AGBL1: variants seen among roughly 807,000 people sequenced by gnomAD.
AGBL1 encodes the protein AGBL carboxypeptidase 1.
AGBL1 carries 130 observed loss-of-function variants against 118.9 expected under a neutral mutation model. That is an observed-to-expected ratio of 1.09 (90% CI 0.95 to 1.26). The LOEUF is 1.26. Ranked by LOEUF, AGBL1 falls within the 50% of genes most tolerant of loss-of-function variation. AGBL1 has a pLI of 0.00. For synonymous variants in AGBL1, 555 were observed against 478.9 expected (o/e 1.16, Z -2.08); for missense variants, 1,584 against 1,298.1 (o/e 1.22, Z -3.38).
intron 5 of AGBL1, among the ~76,000 whole-genome samples, chr15:86,218,191 C>A (rs2078220940): frequency 6.6e-6 from 1 of 152,090 alleles, no homozygotes; most frequent in African/African-American, 2.4e-5. Flanking sequence ...GTGACAACAG[C>A]AGAGATCAAA....
intron 1 of AGBL1, among the ~76,000 whole-genome samples, chr15:86,097,532 C>G (rs1271560307): frequency 6.7e-6 from 1 of 149,344 alleles, no homozygotes; most frequent in Non-Finnish European, 1.5e-5. Context: ...TCCATGAGAT[C>G]CACTTTTTTT....
intron 18 of AGBL1, among the ~76,000 whole-genome samples, chr15:86,509,815 T>C (rs991667357): frequency 1.3e-5 from 2 of 152,056 alleles, no homozygotes; most frequent in Non-Finnish European, 2.9e-5. Context: ...TGGATAGAGA[T>C]CATGTGTTCT....
intron 21 of AGBL1, among the ~76,000 whole-genome samples, chr15:86,571,456 A>G (rs1474104983): frequency 1.3e-5 from 2 of 152,146 alleles, no homozygotes; most frequent in African/African-American, 4.8e-5. Context: ...GCTCCTCTCC[A>G]TAGTCAGGGT....
chr15:86,136,844 A>G (rs1036491185), intron 1 of AGBL1, among the ~76,000 whole-genome samples: 1 of 152,186 alleles, frequency 6.6e-6, no homozygotes, highest in African/African-American at 2.4e-5. Context: ...TCAAAACAGT[A>G]TTTGAGAAAA....
chr15:86,094,215 G>A (rs1049864997), intron 1 of AGBL1, among the ~76,000 whole-genome samples: 5 of 151,844 alleles, frequency 3.3e-5, no homozygotes, highest in African/African-American at 1.2e-4. Context: ...ATTAATTTTC[G>A]ACCAAAACTC....
chr15:86,938,069 C>CT (rs35095330), intron 23 of AGBL1, among the ~76,000 whole-genome samples: 59,607 of 151,986 alleles, frequency 0.39, 14,148 homozygotes, highest in Non-Finnish European at 0.54. Context: ...AGACACACTA[C>CT]TTTTTTGGGG....
At chr15:87,005,601 T>C (rs1194211484) in intron 24 of AGBL1, among the ~76,000 whole-genome samples, 1 of 152,192 alleles carries the variant, frequency 6.6e-6, no homozygotes, top group Non-Finnish European at 1.5e-5. Context: ...CTAATCTTTT[T>C]TCAAGGTTTT....
At chr15:86,604,233 G>A (rs1220208672) in intron 21 of AGBL1, among the ~76,000 whole-genome samples, 1 of 151,600 alleles carries the variant, frequency 6.6e-6, no homozygotes, top group Admixed American at 6.6e-5. Flanking sequence ...TGAAATTGTA[G>A]GCAATTAGAT....
At position 86,615,529 on chromosome 15, in the gene AGBL1, G is replaced by GCTGAACCTGAGAAGGCCA. The variant is rs1218225893; in HGVS notation, c.2995-58742_2995-58725dup. Among the ~76,000 whole-genome samples, 2 of 152,220 alleles carry GCTGAACCTGAGAAGGCCA rather than the reference G, an allele frequency of 1.3e-5. No homozygotes were observed. The highest frequency in any genetic ancestry group is 1.3e-4 in the Admixed American group (2 of 15,290). On this transcript the variant is annotated intron_variant, in intron 21 of 22. Transcript: ENST00000614907. The surrounding 1 kb of genome is among the most constrained non-coding windows in gnomAD (Gnocchi z 4.3). The stretch of plus-strand genomic sequence containing the variant: ...AAATGAAAAATATTCCTTGTGCTAT[G>GCTGAACCTGAGAAGGCCA]CTGAACCTGAGAAGGCCACACGCCA...
intron 21 of AGBL1, among the ~76,000 whole-genome samples, chr15:86,603,981 T>G: frequency 6.6e-6 from 1 of 152,164 alleles, no homozygotes; most frequent in African/African-American, 2.4e-5. Flanking sequence ...ACAGAACTAT[T>G]GAGCCATCCC....
At chr15:86,092,712 G>A (rs916301437) in intron 1 of AGBL1, among the ~76,000 whole-genome samples, 3 of 151,984 alleles carry the variant, frequency 2.0e-5, no homozygotes, top group Non-Finnish European at 2.9e-5. Context: ...CAAGGGGCTG[G>A]CATCTGACCA....
At chr15:86,361,147 G>A (rs764901804) in intron 17 of AGBL1, among the ~76,000 whole-genome samples, 5 of 151,804 alleles carry the variant, frequency 3.3e-5, no homozygotes, top group Admixed American at 3.3e-4. Context: ...AATAAATTTT[G>A]TTATGTAGCA....
At chr15:86,475,080 C>A (rs1018697209) in intron 18 of AGBL1, among the ~76,000 whole-genome samples, 4 of 152,158 alleles carry the variant, frequency 2.6e-5, no homozygotes, top group Non-Finnish European at 1.5e-5. Flanking sequence ...CTGTACGTCA[C>A]CATCTTCAAA....
chr15:86,607,960 C>T (rs1171730673), intron 21 of AGBL1, among the ~76,000 whole-genome samples: 8 of 152,020 alleles, frequency 5.3e-5, no homozygotes, highest in Non-Finnish European at 8.8e-5. Context: ...ATCTATAAAC[C>T]ATAAGAGAAA....
chr15:86,301,010 T>G (rs1055327032), intron 17 of AGBL1, among the ~76,000 whole-genome samples: 1 of 152,174 alleles, frequency 6.6e-6, no homozygotes, highest in Non-Finnish European at 1.5e-5. Context: ...CCCTTTTGGC[T>G]TCTTTGCAAA....
At chr15:86,821,627 A>T (rs570103688) in intron 22 of AGBL1, among the ~76,000 whole-genome samples, 3 of 152,210 alleles carry the variant, frequency 2.0e-5, no homozygotes, top group Non-Finnish European at 4.4e-5. Context: ...TGTAATGGCC[A>T]TAGATGTCAA....
At chr15:86,318,613 T>C (rs924175701) in intron 17 of AGBL1, among the ~76,000 whole-genome samples, 1 of 150,928 alleles carries the variant, frequency 6.6e-6, no homozygotes, top group Non-Finnish European at 1.5e-5. Flanking sequence ...GCTGCAGCAA[T>C]AGAGAATAGA....
chr15:86,953,156 T>G (rs1209650139), intron 23 of AGBL1, among the ~76,000 whole-genome samples: 2 of 152,218 alleles, frequency 1.3e-5, no homozygotes, highest in East Asian at 3.9e-4. Flanking sequence ...TTTGGCTCTT[T>G]TTTGGTTGCA....
chr15:86,479,107 T>G (rs1045774694), intron 18 of AGBL1, among the ~76,000 whole-genome samples: 5 of 152,160 alleles, frequency 3.3e-5, no homozygotes, highest in Non-Finnish European at 5.9e-5. Flanking sequence ...CCTTAAATGT[T>G]AGACCTAAAA....
Sources: gnomAD v4.1 joint callset for allele counts (sites outside exome capture counted in the v4.1 genomes callset) on GRCh38, gnomAD v4.1.1 for gene constraint, Gnocchi (gnomAD v3.1) non-coding constraint, MANE v1.5 for transcripts, NCBI Gene and HGNC (gene_info 2026-07-23, HGNC 2026-07-21) for gene names.